The following PAX2 variants were observed in gnomAD, a reference collection of about 807,000 sequenced individuals.
PAX2 encodes the protein paired box 2.
PAX2 carries 9 observed loss-of-function variants against 41.7 expected under a neutral mutation model. That is an observed-to-expected ratio of 0.22 (90% CI 0.13 to 0.38). PAX2 has a LOEUF of 0.38. PAX2 is among the 10% of genes least tolerant of loss of function. The pLI is 1.00. For missense variants in PAX2, 418 were observed against 531.6 expected, an observed-to-expected ratio of 0.79 and a Z score of 2.10; for synonymous variants, 221 against 212.7, an observed-to-expected ratio of 1.04 and a Z score of -0.34.
In PAX2 at chr10:100,827,236, AC is replaced by A. The variant is rs143586575; in HGVS notation, c.1108+145del. ...GTTAGTGCAGCACTGAGGCCCGGGG[AC>A]CCCTCGAGGACGCCCGCACCTCCTG... is the stretch of plus-strand genomic sequence containing the variant. On this transcript the variant is annotated intron_variant, in intron 9 of 9. Coordinates refer to ENST00000355243, the MANE Select transcript of PAX2 (RefSeq NM_000278.5). The surrounding 1 kb of genome is among the most constrained non-coding windows in gnomAD (Gnocchi z 8.5). 7 of 744,582 alleles carry A rather than the reference AC, an allele frequency of 9.4e-6. No individual in the cohort carries two copies. In the African/African-American group the frequency reaches 1.0e-4, roughly 11 times the overall value. The allele number at this position is 744,582 out of a possible 1,614,324, so 46.1% of individuals were successfully genotyped here.
chr10:100,812,327 G>A lies in PAX2; in HGVS notation c.919+3091G>A, dbSNP rs1013624307. On this transcript the variant is annotated intron_variant, in intron 7 of 9. Transcript: ENST00000355243. ...CGCCGCTGGGCTGCTCTAGCTCAGC[G>A]GCATCTCTTCTCTCCAGCCCACGGC... 2.6e-5 allele frequency among the ~76,000 whole-genome samples: 4 copies of A among 152,316 alleles called. No individual in the cohort carries two copies. In the East Asian group the frequency reaches 5.8e-4, roughly 22 times the overall value.
rs77428150 is a variant in PAX2, at chr10:100,765,225, C to T, written c.411-14273C>T. Reference sequence around the variant, plus strand: ...AACTGCAAATTCTATTTATTCTTTGCCTGACAAGAGCAAATATGAAACCCA... The same window carrying T: ...AACTGCAAATTCTATTTATTCTTTGTCTGACAAGAGCAAATATGAAACCCA... On this transcript the variant is annotated intron_variant, in intron 3 of 9. Coordinates refer to ENST00000355243, the MANE Select transcript of PAX2 (RefSeq NM_000278.5). Among the ~76,000 whole-genome samples, 441 of 152,318 alleles carry T rather than the reference C, an allele frequency of 2.9e-3. 1 individual carries two copies. The highest frequency in any genetic ancestry group is 9.8e-3 in the African/African-American group (406 of 41,560).
chr10:100,780,797 G>A (rs1846590454), intron 4 of PAX2, among the ~76,000 whole-genome samples: 1 of 152,208 alleles, frequency 6.6e-6, no homozygotes, highest in African/African-American at 2.4e-5. Flanking sequence ...AGAACAATGA[G>A]CTGGGGCTTC....
chr10:100,788,202 C>T (rs1034648594), intron 5 of PAX2, among the ~76,000 whole-genome samples: 5 of 152,242 alleles, frequency 3.3e-5, no homozygotes, highest in Non-Finnish European at 7.3e-5. Flanking sequence ...GCTGAGATTG[C>T]TCCCCCTGCT....
At chr10:100,741,926 G>A (rs1456269190), upstream of PAX2, among the ~76,000 whole-genome samples, 1 of 152,176 alleles carries the variant, frequency 6.6e-6, no homozygotes, top group African/African-American at 2.4e-5. Flanking sequence ...CTCAGACCCC[G>A]GTCCTAGCTC....
At chr10:100,802,586 A>G (rs1158124840) in intron 5 of PAX2, among the ~76,000 whole-genome samples, 2 of 152,200 alleles carry the variant, frequency 1.3e-5, no homozygotes, top group Admixed American at 6.5e-5. Flanking sequence ...GGCCAGTCAG[A>G]TGGCCAGTCC....
At chr10:100,769,807 C>T (rs1031880894) in intron 3 of PAX2, among the ~76,000 whole-genome samples, 1 of 152,062 alleles carries the variant, frequency 6.6e-6, no homozygotes, top group African/African-American at 2.4e-5. Context: ...GAAAGACAGT[C>T]GTGAGAAAAA....
At position 100,803,555 on chromosome 10, in the gene PAX2, C is replaced by T. The variant is rs180840795; in HGVS notation, c.617-2875C>T. Among the ~76,000 whole-genome samples, 7 of 152,236 alleles carry T rather than the reference C, an allele frequency of 4.6e-5. No homozygotes were observed. The East Asian group carries it at 1.2e-3, about 25-fold the overall frequency. The stretch of plus-strand genomic sequence containing the variant: ...TAATGCCACTGCCCTCTCCTGGGCC[C>T]TGCGGCTCACCTCCCTGCACCCCAT... On this transcript the variant is annotated intron_variant, in intron 5 of 9. Transcript: ENST00000355243.
intron 5 of PAX2, 33 bp from the exon 6 acceptor site, chr10:100,806,397 C>T (rs753901715): frequency 1.1e-5 from 18 of 1,610,986 alleles, no homozygotes; most frequent in African/African-American, 1.3e-5. Context: ...GCTGGCCTGG[C>T]GCTAACGCCC....
At chr10:100,739,350 C>A (rs978580469) in intron 1 of PAX2, among the ~76,000 whole-genome samples, 1 of 152,234 alleles carries the variant, frequency 6.6e-6, no homozygotes, top group Non-Finnish European at 1.5e-5. Flanking sequence ...GTCTCTCTGG[C>A]GGGTCCCCCT....
chr10:100,782,290 C>T (rs1262449273), intron 5 of PAX2, among the ~76,000 whole-genome samples: 2 of 152,170 alleles, frequency 1.3e-5, no homozygotes, highest in Admixed American at 1.3e-4. Context: ...AAGGGGTGAC[C>T]ATCTATCCCA....
At chr10:100,737,910 G>A (rs1011088280) in intron 1 of PAX2, among the ~76,000 whole-genome samples, 2 of 152,214 alleles carry the variant, frequency 1.3e-5, no homozygotes, top group Admixed American at 6.5e-5. Context: ...AGCCTGTTCC[G>A]GAGCAGCGAA....
At chr10:100,787,036 C>T (rs371287609) in intron 5 of PAX2, 10 of 1,318,314 alleles carry the variant, frequency 7.6e-6, no homozygotes, top group Admixed American at 5.7e-5. Context: ...GGGAACATGG[C>T]GTGGGGGTCA....
At chr10:100,782,341 A>G (rs1284039831) in intron 5 of PAX2, among the ~76,000 whole-genome samples, 2 of 152,278 alleles carry the variant, frequency 1.3e-5, no homozygotes, top group African/African-American at 4.8e-5. Context: ...TTGTCTCTGC[A>G]TCTTGGCCAG....
intron 7 of PAX2, among the ~76,000 whole-genome samples, chr10:100,813,605 A>G (rs1337309823): frequency 1.3e-5 from 2 of 152,192 alleles, no homozygotes; most frequent in Non-Finnish European, 2.9e-5. Flanking sequence ...CGTGAAAGGC[A>G]AACACATACA....
At chr10:100,754,395 C>G (rs772388546) in intron 3 of PAX2, among the ~76,000 whole-genome samples, 1 of 152,200 alleles carries the variant, frequency 6.6e-6, no homozygotes, top group African/African-American at 2.4e-5. Context: ...GCCTAACACT[C>G]TTTGGAGTCA....
At chr10:100,792,788 T>C (rs181714654) in intron 5 of PAX2, among the ~76,000 whole-genome samples, 1 of 150,870 alleles carries the variant, frequency 6.6e-6, no homozygotes, top group African/African-American at 2.4e-5. Flanking sequence ...TTGATTTGCA[T>C]GTCAGGCAAA....
intron 7 of PAX2, among the ~76,000 whole-genome samples, chr10:100,818,458 A>G (rs1848262027): frequency 6.6e-6 from 1 of 152,240 alleles, no homozygotes; most frequent in African/African-American, 2.4e-5. Context: ...TTGCAAACAA[A>G]TCAGTGTCTT....
intron 3 of PAX2, among the ~76,000 whole-genome samples, chr10:100,770,456 G>A (rs1026163556): frequency 2.0e-5 from 3 of 152,164 alleles, no homozygotes; most frequent in Non-Finnish European, 2.9e-5. Flanking sequence ...ACCACAGACT[G>A]GTTTCCAAAT....
Sources: gnomAD v4.1 joint callset for allele counts (sites outside exome capture counted in the v4.1 genomes callset) on GRCh38, gnomAD v4.1.1 for gene constraint, Gnocchi (gnomAD v3.1) non-coding constraint, MANE v1.5 for transcripts, NCBI Gene and HGNC (gene_info 2026-07-23, HGNC 2026-07-21) for gene names.